Variants in FGF7 observed in about 807,000 individuals in gnomAD.
FGF7 encodes the protein fibroblast growth factor 7.
FGF7 carries 6 observed loss-of-function variants against 20.5 expected under a neutral mutation model. The ratio of observed to expected loss-of-function variants is 0.29; its 90% CI spans 0.16 to 0.58. The LOEUF (loss-of-function observed/expected upper bound fraction) is 0.58, where lower values mean the gene tolerates loss of function less well. FGF7 is among the 20% of genes least tolerant of loss of function. The pLI, the probability that FGF7 is intolerant of heterozygous loss-of-function variation, is 0.90. For missense variants in FGF7, 144 were observed against 228.8 expected (o/e 0.63, Z 2.39); for synonymous variants, 64 against 74.7 (o/e 0.86, Z 0.74).
In FGF7 at chr15:49,486,296, G is replaced by T. The variant is rs2056396960; in HGVS notation, c.*1792G>T. 3 of 152,038 alleles carry T rather than the reference G, an allele frequency of 2.0e-5. No homozygotes were observed. The highest frequency in any genetic ancestry group is 7.2e-5 in the African/African-American group (3 of 41,442). The allele number at this position is 152,038 out of a possible 1,614,324, so 9.4% of individuals were successfully genotyped here. A position where few individuals can be genotyped will look rare whatever the true frequency, so the allele number is the denominator to read the frequency against. On this transcript the variant is annotated 3_prime_UTR_variant, in exon 4 of 4. Transcript: ENST00000267843. ...CGACCAGGATGTAGAAAACTAGAAA[G>T]AACTGCCCTTCCTCAGATATACTCT...
chr15:49,466,439 A>G (rs1325167912), intron 2 of FGF7, among the ~76,000 whole-genome samples: 2 of 152,214 alleles, frequency 1.3e-5, no homozygotes, highest in African/African-American at 4.8e-5. Context: ...AAGTTGTAGA[A>G]GAAAAATGGG....
intron 2 of FGF7, among the ~76,000 whole-genome samples, chr15:49,446,221 C>T (rs1427062607): frequency 1.3e-5 from 2 of 151,520 alleles, no homozygotes; most frequent in African/African-American, 4.8e-5. Flanking sequence ...TTAAGAGCCA[C>T]TCATCTTAGA....
chr15:49,475,013 A>G (rs1372412693), intron 2 of FGF7, among the ~76,000 whole-genome samples: 2 of 152,284 alleles, frequency 1.3e-5, no homozygotes, highest in South Asian at 2.1e-4. Context: ...AGAATAAACT[A>G]TATTTCAGAC....
chr15:49,455,607 T>C (rs2053209885), intron 2 of FGF7, among the ~76,000 whole-genome samples: 1 of 152,188 alleles, frequency 6.6e-6, no homozygotes, highest in Non-Finnish European at 1.5e-5. Context: ...GATAAAAGTC[T>C]TTAAAGAAAT....
rs1010311644 is a variant in FGF7 at position 49,424,468 on chromosome 15, T to C, written c.171T>C (p.Asp57=). ...SSPERHTRSY[D]YMEGGDIRVR... The stretch of plus-strand genomic sequence containing the variant: ...CTGAGCGACACACAAGAAGTTATGA[T>C]TACATGGAAGGAGGGGATATAAGAG... The change falls in exon 2 of 4, where the codon GAT becomes GAC. Residue 57 remains aspartate, a synonymous_variant. Coordinates refer to ENST00000267843, the MANE Select transcript of FGF7 (RefSeq NM_002009.4). 1 of 1,613,468 alleles carries C rather than the reference T, an allele frequency of 6.2e-7. No individual in the cohort carries two copies. Among genetic ancestry groups the C allele is most frequent in the Non-Finnish European group, 8.5e-7 (1 of 1,179,622 alleles).
At chr15:49,427,923 A>G (rs952589548) in intron 2 of FGF7, among the ~76,000 whole-genome samples, 3 of 152,014 alleles carry the variant, frequency 2.0e-5, no homozygotes, top group Non-Finnish European at 4.4e-5. Context: ...AAAATTACTT[A>G]AGCTATCCTG....
Position 49,486,944 on chromosome 15 carries a change from A to T in FGF7, c.*2440A>T, listed in dbSNP as rs997506146. 6.6e-6 allele frequency: 1 copy of T among 151,934 alleles called. No homozygotes were observed. The highest frequency in any genetic ancestry group is 1.5e-5 in the Non-Finnish European group (1 of 67,904). 9.4% of individuals were successfully genotyped at this position (151,934 alleles called of 1,614,324 possible). On this transcript the variant is annotated 3_prime_UTR_variant, in exon 4 of 4. Transcript: ENST00000267843. ...GGAAATTGAGATTTTGATACACCTA[A>T]GGTCACGCAGCTGGGTAGATATACA... is the stretch of plus-strand genomic sequence containing the variant.
intron 2 of FGF7, among the ~76,000 whole-genome samples, chr15:49,435,020 A>T (rs2050968646): frequency 6.6e-6 from 1 of 151,620 alleles, no homozygotes; most frequent in African/African-American, 2.4e-5. Context: ...ATTTTACAAC[A>T]ATAAAAATAC....
intron 3 of FGF7, 113 bp downstream of exon 3, chr15:49,483,367 T>C (rs2056125438): frequency 3.3e-6 from 2 of 609,800 alleles, no homozygotes; most frequent in South Asian, 2.0e-5. Flanking sequence ...TATAATTTAA[T>C]GATTTTATTA....
At chr15:49,452,216 A>G (rs2052821026) in intron 2 of FGF7, among the ~76,000 whole-genome samples, 2 of 152,034 alleles carry the variant, frequency 1.3e-5, no homozygotes, top group South Asian at 4.2e-4. Context: ...TAATTTTTGT[A>G]TTTTTAGTAC....
intron 3 of FGF7, 37 bp from the exon 4 acceptor site, chr15:49,484,273 A>C (rs772118994): frequency 6.0e-6 from 9 of 1,489,994 alleles, no homozygotes; most frequent in Non-Finnish European, 2.7e-6. Context: ...TCTAAAAATC[A>C]TTTGGATAAT....
intron 2 of FGF7, among the ~76,000 whole-genome samples, chr15:49,428,780 T>G (rs567774355): frequency 4.1e-4 from 62 of 151,998 alleles, no homozygotes; most frequent in Non-Finnish European, 7.4e-4. Context: ...ATAAATTGCC[T>G]CACTTGATTA....
chr15:49,464,365 G>A (rs2054077207), intron 2 of FGF7, among the ~76,000 whole-genome samples: 1 of 152,168 alleles, frequency 6.6e-6, no homozygotes, highest in Admixed American at 6.5e-5. Context: ...ATAAAAATGT[G>A]TTAACAGTGA....
intron 2 of FGF7, among the ~76,000 whole-genome samples, chr15:49,466,095 G>A (rs1045061678): frequency 2.0e-5 from 3 of 152,180 alleles, no homozygotes; most frequent in Non-Finnish European, 4.4e-5. Flanking sequence ...TAAAATAGAT[G>A]ACAACAGATT....
rs2056344174 is a variant in FGF7 at position 49,485,631 on chromosome 15, A to T, written c.*1127A>T. On this transcript the variant is annotated 3_prime_UTR_variant, in exon 4 of 4. Coordinates refer to ENST00000267843, the MANE Select transcript of FGF7 (RefSeq NM_002009.4). Reference sequence around the variant, plus strand: ...GCCAGCAAATCCTGGAAGGCAGACAAAAATAAGAGCCTGAAGCAATGCTTA... The same window carrying T: ...GCCAGCAAATCCTGGAAGGCAGACATAAATAAGAGCCTGAAGCAATGCTTA... 1 of 152,480 alleles carries T rather than the reference A, an allele frequency of 6.6e-6. No individual in the cohort carries two copies. The highest frequency in any genetic ancestry group is 1.5e-5 in the Non-Finnish European group (1 of 67,972). The allele number at this position is 152,480 out of a possible 1,614,324, so 9.4% of individuals were successfully genotyped here. A position where few individuals can be genotyped will look rare whatever the true frequency, so the allele number is the denominator to read the frequency against.
rs529860745 is a variant in FGF7 at position 49,487,883 on chromosome 15, C to G, written c.*3379C>G. 4 of 152,074 alleles carry G rather than the reference C, an allele frequency of 2.6e-5. No individual in the cohort carries two copies. The highest frequency in any genetic ancestry group is 2.6e-4 in the Admixed American group (4 of 15,226). The allele number at this position is 152,074 out of a possible 1,614,324, so 9.4% of individuals were successfully genotyped here. A position where few individuals can be genotyped will look rare whatever the true frequency, so the allele number is the denominator to read the frequency against. On this transcript the variant is annotated 3_prime_UTR_variant, in exon 4 of 4. Transcript: ENST00000267843. ...AGAATGACTTGCAGGGCTTATCATG[C>G]AGTTTGGTTTACATCCCTACTCCAC...
intron 2 of FGF7, among the ~76,000 whole-genome samples, chr15:49,458,677 C>A (rs1270778009): frequency 6.6e-6 from 1 of 152,006 alleles, no homozygotes. Flanking sequence ...CTTCAGAAAA[C>A]AAAACTCAAA....
intron 2 of FGF7, among the ~76,000 whole-genome samples, chr15:49,455,638 T>C (rs2053214229): frequency 1.3e-5 from 2 of 151,240 alleles, no homozygotes; most frequent in South Asian, 2.1e-4. Context: ...ATTTTTAATC[T>C]AATGTCCTAT....
chr15:49,457,779 A>C (rs1486752007), intron 2 of FGF7, among the ~76,000 whole-genome samples: 1 of 151,962 alleles, frequency 6.6e-6, no homozygotes, highest in African/African-American at 2.4e-5. Context: ...AGAATTGATT[A>C]ATACATTATA....
Sources: gnomAD v4.1 joint callset for allele counts (sites outside exome capture counted in the v4.1 genomes callset) on GRCh38, gnomAD v4.1.1 for gene constraint, MANE v1.5 for transcripts, NCBI Gene and HGNC (gene_info 2026-07-23, HGNC 2026-07-21) for gene names.